Variants in GALNTL6 observed in about 807,000 individuals in gnomAD.
GALNTL6 encodes the protein polypeptide N-acetylgalactosaminyltransferase-like 6.
A neutral mutation model predicts 73.7 loss-of-function variants in GALNTL6; 46 were observed. That is an observed-to-expected ratio of 0.62 (90% CI 0.49 to 0.80). The LOEUF (loss-of-function observed/expected upper bound fraction) is 0.80, where lower values mean the gene tolerates loss of function less well. Ranked by LOEUF, GALNTL6 falls within the 30% of genes least tolerant of loss-of-function variation. The probability of loss-of-function intolerance (pLI) is 0.00; values close to 1 mark genes in which losing one functional copy is unlikely to be tolerated. For missense variants in GALNTL6, 604 were observed against 755.0 expected (o/e 0.80, Z 2.34); for synonymous variants, 259 against 263.7 (o/e 0.98, Z 0.17).
At chr4:173,016,722 G>C (rs1752798316) in intron 11 of GALNTL6, among the ~76,000 whole-genome samples, 1 of 152,182 alleles carries the variant, frequency 6.6e-6, no homozygotes, top group African/African-American at 2.4e-5. Context: ...TTTGGACTTA[G>C]ACTTTTGAGT....
intron 5 of GALNTL6, among the ~76,000 whole-genome samples, chr4:172,518,591 T>G (rs1205510359): frequency 1.3e-5 from 2 of 151,976 alleles, no homozygotes; most frequent in African/African-American, 4.8e-5. Context: ...AACATCTTTT[T>G]GATTCTTTGG....
chr4:172,370,785 C>T (rs1742778338), intron 5 of GALNTL6, among the ~76,000 whole-genome samples: 1 of 152,068 alleles, frequency 6.6e-6, no homozygotes, highest in Non-Finnish European at 1.5e-5. Flanking sequence ...CCTTTCTCAG[C>T]AGGGGGGAGG....
intron 5 of GALNTL6, among the ~76,000 whole-genome samples, chr4:172,452,853 A>G (rs1451913211): frequency 6.6e-6 from 1 of 152,218 alleles, no homozygotes; most frequent in South Asian, 2.1e-4. Flanking sequence ...GAAAAAGAAT[A>G]TTAAGAAAAG....
At chr4:171,948,946 G>A (rs1025016723) in intron 2 of GALNTL6, among the ~76,000 whole-genome samples, 7 of 137,960 alleles carry the variant, frequency 5.1e-5, no homozygotes, top group South Asian at 2.5e-4. Context: ...TGACAGACTC[G>A]CAAGCCATAT....
intron 5 of GALNTL6, among the ~76,000 whole-genome samples, chr4:172,381,702 C>T (rs1180582141): frequency 6.6e-6 from 1 of 151,986 alleles, no homozygotes; most frequent in East Asian, 1.9e-4. Flanking sequence ...AGATTGTTTC[C>T]ACTTTTTGAC....
intron 5 of GALNTL6, among the ~76,000 whole-genome samples, chr4:172,715,584 T>A (rs1735026652): frequency 6.6e-6 from 1 of 152,218 alleles, no homozygotes; most frequent in Admixed American, 6.5e-5. Context: ...AGCAAACATA[T>A]GTCTTTTATA....
chr4:172,859,820 A>G lies in GALNTL6; in HGVS notation c.924-22970A>G, dbSNP rs138023160. 2.0e-4 allele frequency among the ~76,000 whole-genome samples: 31 copies of G among 152,188 alleles called. No individual in the cohort carries two copies. In the East Asian group the frequency reaches 5.8e-3, roughly 28 times the overall value. ...CATAGGAGTGTGAACCCTATTGTGAACTGCACATTGAGGGATCTAGGTTGC... is the reference window on the plus strand; with the variant it reads ...CATAGGAGTGTGAACCCTATTGTGAGCTGCACATTGAGGGATCTAGGTTGC... On this transcript the variant is annotated intron_variant, in intron 7 of 12. Transcript: ENST00000506823.
chr4:172,952,439 T>A (rs1175956092), intron 10 of GALNTL6, among the ~76,000 whole-genome samples, 181 bp downstream of exon 10: 2 of 152,232 alleles, frequency 1.3e-5, no homozygotes, highest in East Asian at 3.8e-4. Flanking sequence ...TAGATTTAGC[T>A]TCAGAGTTGA....
intron 9 of GALNTL6, among the ~76,000 whole-genome samples, chr4:172,945,713 A>C (rs1317764258): frequency 6.6e-6 from 1 of 152,232 alleles, no homozygotes; most frequent in Admixed American, 6.5e-5. Context: ...GAAGAAGGAA[A>C]AGGAAATTGC....
At chr4:171,891,649 G>A (rs1175201601) in intron 2 of GALNTL6, among the ~76,000 whole-genome samples, 1 of 152,132 alleles carries the variant, frequency 6.6e-6, no homozygotes, top group African/African-American at 2.4e-5. Context: ...TTGTGCTGTA[G>A]TGAGTATTTT....
At chr4:172,163,658 A>G (rs1417492142) in intron 2 of GALNTL6, among the ~76,000 whole-genome samples, 1 of 152,068 alleles carries the variant, frequency 6.6e-6, no homozygotes. Context: ...CATAGAAAGG[A>G]AAGGTTTCTT....
chr4:172,931,062 A>G, intron 8 of GALNTL6, 99 bp from the exon 9 acceptor site: 1 of 733,284 alleles, frequency 1.4e-6, no homozygotes, highest in Non-Finnish European at 2.5e-6. Context: ...ATTGATTTAA[A>G]GACTTTTAGA....
chr4:172,735,794 T>C (rs1470381086), intron 5 of GALNTL6, among the ~76,000 whole-genome samples: 1 of 152,112 alleles, frequency 6.6e-6, no homozygotes, highest in Non-Finnish European at 1.5e-5. Flanking sequence ...TCAACATAGG[T>C]ACTTTTCTAT....
intron 2 of GALNTL6, among the ~76,000 whole-genome samples, chr4:171,867,548 T>C (rs1054221130): frequency 2.6e-5 from 4 of 152,202 alleles, no homozygotes; most frequent in African/African-American, 9.6e-5. Context: ...GACACCTCAA[T>C]TCTAAATCAG....
intron 5 of GALNTL6, among the ~76,000 whole-genome samples, chr4:172,462,618 C>T (rs1468289773): frequency 6.6e-6 from 1 of 152,130 alleles, no homozygotes; most frequent in Non-Finnish European, 1.5e-5. Flanking sequence ...TTATTTAAAA[C>T]AACATAATAT....
At chr4:172,430,621 C>T (rs1409097273) in intron 5 of GALNTL6, among the ~76,000 whole-genome samples, 2 of 151,908 alleles carry the variant, frequency 1.3e-5, no homozygotes, top group East Asian at 1.9e-4. Flanking sequence ...ATAATGAGAT[C>T]GTATCTCTAC....
chr4:172,015,094 C>T (rs1248028969), intron 2 of GALNTL6, among the ~76,000 whole-genome samples: 1 of 151,960 alleles, frequency 6.6e-6, no homozygotes, highest in Non-Finnish European at 1.5e-5. Flanking sequence ...AGCTTAAGTT[C>T]ATTGTTTTTT....
intron 2 of GALNTL6, among the ~76,000 whole-genome samples, chr4:171,993,892 T>C (rs1245824119): frequency 6.6e-6 from 1 of 151,512 alleles, no homozygotes; most frequent in African/African-American, 2.4e-5. Context: ...GAACATAACA[T>C]TAAATAAACT....
rs749645770 is a variant in GALNTL6 at position 172,311,615 on chromosome 4, G to A, written c.249G>A (p.Gly83=). ...TCTCATTTTGTTTTCTCCTGCTAGG[G>A]AAAGGTGAACATGGGAAACCTTACC... ...ESIQKEAMRS[G]KGEHGKPYPL... Residue 83 remains glycine (G), a splice_region_variant and synonymous_variant, in exon 4 of 13, where the codon GGG becomes GGA. Coordinates refer to ENST00000506823, the MANE Select transcript of GALNTL6 (RefSeq NM_001034845.3). 7 of 1,599,236 alleles carry A rather than the reference G, an allele frequency of 4.4e-6. No individual in the cohort carries two copies. In the African/African-American group the frequency reaches 8.1e-5, roughly 18 times the overall value.
Sources: gnomAD v4.1 joint callset for allele counts (sites outside exome capture counted in the v4.1 genomes callset) on GRCh38, gnomAD v4.1.1 for gene constraint, MANE v1.5 for transcripts, NCBI Gene and HGNC (gene_info 2026-07-23, HGNC 2026-07-21) for gene names.